The following ENTREP2 variants were observed in gnomAD, a reference collection of about 807,000 sequenced individuals.
The protein encoded by ENTREP2 is endosomal transmembrane epsin interactor 2.
chr15:29,406,613 AT>A, the ENTREP2 span, among the ~76,000 whole-genome samples: 1 of 152,270 alleles, frequency 6.6e-6, no homozygotes, highest in African/African-American at 2.4e-5. Flanking sequence ...AAAGTATTTC[AT>A]TTTTTCTGAT....
chr15:29,389,748 C>T, the ENTREP2 span, among the ~76,000 whole-genome samples: 5 of 152,188 alleles, frequency 3.3e-5, no homozygotes, highest in East Asian at 1.9e-4. Flanking sequence ...TGCCGCCTGA[C>T]GCTGCTCCCT....
the ENTREP2 span, among the ~76,000 whole-genome samples, chr15:29,214,846 G>A: frequency 1.3e-5 from 2 of 152,080 alleles, no homozygotes; most frequent in African/African-American, 2.4e-5. Flanking sequence ...ATTGAGGCTC[G>A]TTTTATGGCC....
At chr15:29,122,749 G>C in the ENTREP2 span, 1 of 152,348 alleles carries the variant, frequency 6.6e-6, no homozygotes, top group African/African-American at 2.4e-5. Flanking sequence ...ACATTTGTTT[G>C]CACAATAGCC....
At chr15:29,167,209 A>G in the ENTREP2 span, among the ~76,000 whole-genome samples, 2 of 152,224 alleles carry the variant, frequency 1.3e-5, no homozygotes, top group East Asian at 3.8e-4. Flanking sequence ...CTGAAACTAT[A>G]AAAATTCTAG....
chr15:29,151,260 A>T, the ENTREP2 span, among the ~76,000 whole-genome samples: 8 of 152,206 alleles, frequency 5.3e-5, no homozygotes, highest in African/African-American at 1.9e-4. Context: ...AATGATGGCC[A>T]GTGACTGGCC....
chr15:29,218,254 A>G, the ENTREP2 span, among the ~76,000 whole-genome samples: 1 of 152,140 alleles, frequency 6.6e-6, no homozygotes, highest in African/African-American at 2.4e-5. Context: ...CTTTCCAGAA[A>G]GCATTGGCTG....
the ENTREP2 span, among the ~76,000 whole-genome samples, chr15:29,521,497 G>A: frequency 2.0e-5 from 3 of 152,292 alleles, no homozygotes; most frequent in South Asian, 6.2e-4. Context: ...GGATTTGAAT[G>A]CCTTGAAAGC....
chr15:29,375,088 TA>T, the ENTREP2 span: 1 of 152,228 alleles, frequency 6.6e-6, no homozygotes, highest in African/African-American at 2.4e-5. Flanking sequence ...GGGACACAGG[TA>T]AATTACTTGG....
chr15:29,242,543 C>G, the ENTREP2 span, among the ~76,000 whole-genome samples: 1 of 152,128 alleles, frequency 6.6e-6, no homozygotes, highest in African/African-American at 2.4e-5. Context: ...TTAAGTGAAA[C>G]AGCATGTTTG....
At chr15:29,172,183 C>T in the ENTREP2 span, among the ~76,000 whole-genome samples, 111 of 152,204 alleles carry the variant, frequency 7.3e-4, 1 homozygote, top group African/African-American at 2.5e-3. Context: ...CTCCAAAATC[C>T]ACACAGTCTT....
At chr15:29,291,760 T>C in the ENTREP2 span, among the ~76,000 whole-genome samples, 1 of 152,230 alleles carries the variant, frequency 6.6e-6, no homozygotes, top group African/African-American at 2.4e-5. Context: ...TCAGGAGAAA[T>C]AGTGATAAAC....
the ENTREP2 span, among the ~76,000 whole-genome samples, chr15:29,222,112 G>A: frequency 5.1e-3 from 769 of 152,228 alleles, 3 homozygotes; most frequent in African/African-American, 0.017. Flanking sequence ...TAATGAGGTA[G>A]GAGGTCAGCA....
chr15:29,532,555 T>C, the ENTREP2 span, among the ~76,000 whole-genome samples: 1 of 152,320 alleles, frequency 6.6e-6, no homozygotes, highest in East Asian at 1.9e-4. Context: ...CAACTCAGAC[T>C]GACTCCTGGT....
chr15:29,436,036 T>G, the ENTREP2 span, among the ~76,000 whole-genome samples: 17 of 152,126 alleles, frequency 1.1e-4, no homozygotes, highest in Non-Finnish European at 1.3e-4. Context: ...CTGGGCAAAG[T>G]AGAACTCAGG....
the ENTREP2 span, among the ~76,000 whole-genome samples, chr15:29,146,676 G>A: frequency 4.6e-5 from 7 of 152,124 alleles, no homozygotes; most frequent in East Asian, 1.9e-4. Flanking sequence ...GGTGGCTCAC[G>A]CCTGTAATCC....
chr15:29,523,542 T>C, the ENTREP2 span, among the ~76,000 whole-genome samples: 2 of 149,432 alleles, frequency 1.3e-5, no homozygotes, highest in African/African-American at 2.5e-5. Context: ...AACACAACCC[T>C]TATAAAAATC....
chr15:29,578,020 C>T, the ENTREP2 span, among the ~76,000 whole-genome samples: 1 of 152,066 alleles, frequency 6.6e-6, no homozygotes, highest in African/African-American at 2.4e-5. Flanking sequence ...GCTACTTGCA[C>T]AACTATGGGA....
the ENTREP2 span, among the ~76,000 whole-genome samples, chr15:29,319,579 C>G: frequency 6.6e-6 from 1 of 152,232 alleles, no homozygotes; most frequent in Non-Finnish European, 1.5e-5. Flanking sequence ...ACAAGGACAT[C>G]CAGTTTCAGT....
chr15:29,372,919 A>C, the ENTREP2 span, among the ~76,000 whole-genome samples: 65 of 152,320 alleles, frequency 4.3e-4, no homozygotes, highest in Admixed American at 4.2e-3. Flanking sequence ...CGTTAGGAAA[A>C]GATAAAGTTA....
Sources: allele counts gnomAD v4.1 joint callset (sites outside exome capture counted in the v4.1 genomes callset), GRCh38; gene constraint gnomAD v4.1.1; transcripts MANE v1.5; gene names NCBI Gene and HGNC (gene_info 2026-07-23, HGNC 2026-07-21).